Variants in BMP8B observed in about 807,000 individuals in gnomAD.
BMP8B encodes the protein bone morphogenetic protein 8 (osteogenic protein 2).
Under a neutral mutation model 30.3 loss-of-function variants are expected in BMP8B, and 17 were observed. That is an observed-to-expected ratio of 0.56 (90% CI 0.38 to 0.84). BMP8B has a LOEUF of 0.84. BMP8B is among the 40% of genes least tolerant of loss of function. The pLI, the probability that BMP8B is intolerant of heterozygous loss-of-function variation, is 0.00. For missense variants in BMP8B, 253 were observed against 494.6 expected, an observed-to-expected ratio of 0.51 and a Z score of 4.63; for synonymous variants, 131 against 214.7, an observed-to-expected ratio of 0.61 and a Z score of 3.41.
intron 1 of BMP8B, among the ~76,000 whole-genome samples, chr1:39,783,040 G>A (rs192216801): frequency 7.9e-5 from 12 of 152,118 alleles, no homozygotes; most frequent in African/African-American, 2.9e-4. Flanking sequence ...CAAGTGATCC[G>A]CACACCACCA....
chr1:39,770,646 G>A, intron 3 of BMP8B: 3 of 1,522,902 alleles, frequency 2.0e-6, no homozygotes, highest in Non-Finnish European at 2.7e-6. Context: ...AAGTCTGCCC[G>A]GATGGCGCGC....
chr1:39,762,993 G>A, intron 6 of BMP8B, 99 bp downstream of exon 6: 1 of 1,410,430 alleles, frequency 7.1e-7, no homozygotes, highest in South Asian at 1.2e-5. Flanking sequence ...CTGAGACGCG[G>A]AGCAGGTGGC....
intron 3 of BMP8B, among the ~76,000 whole-genome samples, chr1:39,772,535 A>G (rs1332484905): frequency 1.1e-5 from 1 of 88,386 alleles, no homozygotes; most frequent in East Asian, 2.5e-4. Context: ...TCTCAGTAAC[A>G]TCCCAGGGGG....
intron 3 of BMP8B, among the ~76,000 whole-genome samples, chr1:39,767,320 G>C (rs1417434314): frequency 6.6e-6 from 1 of 151,354 alleles, no homozygotes; most frequent in Non-Finnish European, 1.5e-5. Flanking sequence ...AGGTCCCAGA[G>C]CAAGGTGGGT....
chr1:39,763,283 C>G (rs891699703), intron 5 of BMP8B, 81 bp from the exon 6 acceptor site: 2 of 1,356,216 alleles, frequency 1.5e-6, no homozygotes, highest in Admixed American at 2.0e-5. Flanking sequence ...TCCAGCCCTG[C>G]AGGGCCGTCT....
Position 39,757,604 on chromosome 1 carries a change from CA to C in BMP8B, c.*2814del, listed in dbSNP as rs1408926949. ...TGTTGTATGCGTCCTCTCTTCCTGT[CA>C]ACTGTCATTGATTTCTCATTGCTGT... On this transcript the variant is annotated 3_prime_UTR_variant, in exon 7 of 7. Transcript: ENST00000372827. The C allele has an allele frequency of 1.3e-5, 2 of 152,294 alleles. No homozygotes were observed. Among genetic ancestry groups the C allele is most frequent in the Admixed American group, 6.5e-5 (1 of 15,288 alleles). The allele number at this position is 152,294 out of a possible 1,614,324, so 9.4% of individuals were successfully genotyped here.
At position 39,779,535 on chromosome 1, in the gene BMP8B, CA is replaced by C. The variant is rs563998013; in HGVS notation, c.335-4498del. On this transcript the variant is annotated intron_variant, in intron 1 of 6. Transcript: ENST00000372827. ...AGCGACTGGAATCCTAAGAGAAGTG[CA>C]CACAATGCAGGACAGGTGCTTCAGT... is the stretch of plus-strand genomic sequence containing the variant. 1.1e-3 allele frequency among the ~76,000 whole-genome samples: 164 copies of C among 152,332 alleles called. 4 individuals carry two copies. Among genetic ancestry groups the C allele is most frequent in the Admixed American group, 1.6e-3 (24 of 15,308 alleles).
In BMP8B at chr1:39,760,373, C is replaced by G. The variant is rs200807723; in HGVS notation, c.*46G>C. On this transcript the variant is annotated 3_prime_UTR_variant, in exon 7 of 7. Coordinates refer to ENST00000372827, the MANE Select transcript of BMP8B (RefSeq NM_001720.5). The stretch of plus-strand genomic sequence containing the variant: ...GAGGGTTTCCTGCTTCTGAGGGGCC[C>G]GATCCAGATGAGAAGGGTGGCTGCA... 3.1e-6 allele frequency: 5 copies of G among 1,608,662 alleles called. No homozygotes were observed. The East Asian group carries it at 1.1e-4, about 36-fold the overall frequency.
At chr1:39,762,429 C>T in intron 6 of BMP8B, 1 of 1,445,466 alleles carries the variant, frequency 6.9e-7, no homozygotes, top group Non-Finnish European at 9.2e-7. Context: ...TAGAAGGAAG[C>T]CTCGGTGCCA....
chr1:39,760,177 G>T lies in BMP8B; in HGVS notation c.*242C>A. The T allele has an allele frequency of 1.5e-6, 1 of 672,116 alleles. No homozygotes were observed. Among genetic ancestry groups the T allele is most frequent in the Non-Finnish European group, 2.4e-6 (1 of 411,104 alleles). The allele number at this position is 672,116 out of a possible 1,614,324, so 41.6% of individuals were successfully genotyped here. ...CCTCCGGGAGAGGCGTTTGCATTTG[G>T]GTAGAACACTGCCTGATGATTGAGA... On this transcript the variant is annotated 3_prime_UTR_variant, in exon 7 of 7. Coordinates refer to ENST00000372827, the MANE Select transcript of BMP8B (RefSeq NM_001720.5).
chr1:39,780,152 T>C (rs1368106324), intron 1 of BMP8B, among the ~76,000 whole-genome samples: 1 of 152,210 alleles, frequency 6.6e-6, no homozygotes, highest in East Asian at 1.9e-4. Flanking sequence ...TCATATTCTA[T>C]TGGTCACACA....
Position 39,788,085 on chromosome 1 carries a change from G to A in BMP8B, c.334+67C>T, listed in dbSNP as rs1409027926. On this transcript the variant is annotated intron_variant, in intron 1 of 6. Coordinates refer to ENST00000372827, the MANE Select transcript of BMP8B (RefSeq NM_001720.5). The surrounding 1 kb of genome is among the most constrained non-coding windows in gnomAD (Gnocchi z 5.8). The stretch of plus-strand genomic sequence containing the variant: ...GTTCGGCCAGGGCCCGGCACAGCCC[G>A]CGGATGCGCGCCCCTCCCCTGCAGC... 2.8e-5 allele frequency: 39 copies of A among 1,396,980 alleles called. No homozygotes were observed. In the Admixed American group the frequency reaches 1.1e-3, roughly 39 times the overall value. The allele number at this position is 1,396,980 out of a possible 1,614,324, so 86.5% of individuals were successfully genotyped here. A position where few individuals can be genotyped will look rare whatever the true frequency, so the allele number is the denominator to read the frequency against.
chr1:39,766,258 G>A (rs1281832046), intron 3 of BMP8B, among the ~76,000 whole-genome samples: 5 of 146,374 alleles, frequency 3.4e-5, no homozygotes, highest in Admixed American at 1.3e-4. Context: ...CTGAATGGCA[G>A]AAGCATGATT....
At chr1:39,776,600 C>T (rs377396765) in intron 1 of BMP8B, among the ~76,000 whole-genome samples, 5 of 152,090 alleles carry the variant, frequency 3.3e-5, no homozygotes, top group East Asian at 1.9e-4. Context: ...TGGGGCCAGA[C>T]GTGTGTGGGC....
At chr1:39,787,931 G>A (rs1395004458) in intron 1 of BMP8B, among the ~76,000 whole-genome samples, 7 of 152,088 alleles carry the variant, frequency 4.6e-5, no homozygotes, top group African/African-American at 1.7e-4. Flanking sequence ...CAGCGCCTGG[G>A]AGTCCACAGT....
At chr1:39,763,667 C>G in intron 5 of BMP8B, 45 bp downstream of exon 5, 1 of 1,570,050 alleles carries the variant, frequency 6.4e-7, no homozygotes, top group Non-Finnish European at 8.7e-7. Context: ...TTCTGATCTA[C>G]AGGTGGTGAT....
At chr1:39,776,227 C>T (rs1378744085) in intron 1 of BMP8B, among the ~76,000 whole-genome samples, 3 of 152,120 alleles carry the variant, frequency 2.0e-5, no homozygotes, top group Non-Finnish European at 2.9e-5. Context: ...GCCAATCAAA[C>T]AAAGGCTGTA....
intron 5 of BMP8B, 21 bp from the exon 6 acceptor site, chr1:39,763,223 T>C (rs1474219327): frequency 1.3e-6 from 2 of 1,591,776 alleles, no homozygotes; most frequent in African/African-American, 2.7e-5. Flanking sequence ...AGGGAGAAGG[T>C]GAGTCCCATC....
intron 6 of BMP8B, chr1:39,761,294 C>G (rs902315538): frequency 1.3e-5 from 2 of 152,816 alleles, no homozygotes; most frequent in Non-Finnish European, 2.9e-5. Context: ...CCTCCCTTCC[C>G]TGGGAGCAGC....
Sources: gnomAD v4.1 joint callset for allele counts (sites outside exome capture counted in the v4.1 genomes callset) on GRCh38, gnomAD v4.1.1 for gene constraint, Gnocchi (gnomAD v3.1) non-coding constraint, MANE v1.5 for transcripts, NCBI Gene and HGNC (gene_info 2026-07-23, HGNC 2026-07-21) for gene names.